Variants in GPC5 observed in about 807,000 individuals in gnomAD.
The protein encoded by GPC5 is glypican 5.
In GPC5, 47 loss-of-function variants were observed where a neutral mutation model predicts 53.9. The observed-to-expected ratio is 0.87, with a 90% CI of 0.69 to 1.11. The LOEUF (loss-of-function observed/expected upper bound fraction) is 1.11. GPC5 is among the 50% of genes most tolerant of loss of function. The pLI is 0.00. For missense variants in GPC5, 748 were observed against 713.1 expected (o/e 1.05, Z -0.56); for synonymous variants, 286 against 263.3 (o/e 1.09, Z -0.84).
At chr13:91,418,707 A>G (rs1286425958) in intron 1 of GPC5, among the ~76,000 whole-genome samples, 3 of 152,148 alleles carry the variant, frequency 2.0e-5, no homozygotes, top group Non-Finnish European at 4.4e-5. Context: ...AAGATCTTTT[A>G]GCAGAAGTGC....
intron 1 of GPC5, 148 bp downstream of exon 1, chr13:91,399,357 T>A: frequency 1.0e-6 from 1 of 983,746 alleles, no homozygotes; most frequent in Non-Finnish European, 1.5e-6. Flanking sequence ...CCGGGGATGC[T>A]TGGTGCGGGT....
At chr13:91,837,703 A>C (rs191904367) in intron 5 of GPC5, among the ~76,000 whole-genome samples, 3 of 152,310 alleles carry the variant, frequency 2.0e-5, no homozygotes, top group Admixed American at 2.0e-4. Context: ...TCATAGTAAT[A>C]ACTTTTTTGA....
intron 7 of GPC5, among the ~76,000 whole-genome samples, chr13:92,551,778 A>G (rs1882326193): frequency 6.6e-6 from 1 of 151,856 alleles, no homozygotes; most frequent in Admixed American, 6.6e-5. Context: ...ACAAACAAAC[A>G]GAAAAAGGAA....
chr13:92,454,059 C>T (rs1487623537), intron 7 of GPC5, among the ~76,000 whole-genome samples: 1 of 152,102 alleles, frequency 6.6e-6, no homozygotes, highest in Non-Finnish European at 1.5e-5. Context: ...AAAGCTCAAA[C>T]CTAAGTGTTA....
chr13:92,203,931 A>C (rs1216763319), intron 7 of GPC5, among the ~76,000 whole-genome samples: 2 of 152,208 alleles, frequency 1.3e-5, no homozygotes, highest in South Asian at 4.1e-4. Context: ...GAAAAAAAAG[A>C]AGCAGTAATA....
At chr13:92,245,512 ATAAT>A (rs1483163552) in intron 7 of GPC5, among the ~76,000 whole-genome samples, 1 of 152,184 alleles carries the variant, frequency 6.6e-6, no homozygotes, top group Non-Finnish European at 1.5e-5. Flanking sequence ...CAGGCACTAA[ATAAT>A]TGTGGTGAAG....
chr13:92,534,916 A>G (rs1311302749), intron 7 of GPC5, among the ~76,000 whole-genome samples: 1 of 152,200 alleles, frequency 6.6e-6, no homozygotes, highest in African/African-American at 2.4e-5. Context: ...AGAAAGCCAT[A>G]TTAGTTTTCA....
Position 92,674,772 on chromosome 13 carries a change from C to T in GPC5, c.1562-191510C>T, listed in dbSNP as rs566472640. ...AAATAAATTAGAACTTAGAAAAGGG[C>T]TTTTTCACAACCTCAAATTATAGAT... On this transcript the variant is annotated intron_variant, in intron 7 of 7. Transcript: ENST00000377067. 2.2e-4 allele frequency among the ~76,000 whole-genome samples: 33 copies of T among 152,182 alleles called. No individual in the cohort carries two copies. In the South Asian group the frequency reaches 6.8e-3, roughly 32 times the overall value.
chr13:92,344,294 A>C (rs1422297532), intron 7 of GPC5, among the ~76,000 whole-genome samples: 1 of 152,094 alleles, frequency 6.6e-6, no homozygotes, highest in Admixed American at 6.6e-5. Context: ...AGAACTCACT[A>C]TCATGAGAAC....
intron 1 of GPC5, among the ~76,000 whole-genome samples, chr13:91,437,992 C>T (rs1200735359): frequency 2.0e-5 from 3 of 152,116 alleles, no homozygotes; most frequent in African/African-American, 4.8e-5. Context: ...ACGTAGTTCT[C>T]GTGCCTTGGT....
At chr13:92,747,609 C>T (rs1296264996) in intron 7 of GPC5, among the ~76,000 whole-genome samples, 1 of 152,126 alleles carries the variant, frequency 6.6e-6, no homozygotes, top group Non-Finnish European at 1.5e-5. Flanking sequence ...CAAATTGCCT[C>T]CACATTAGCT....
At chr13:91,413,970 C>G (rs1209052947) in intron 1 of GPC5, among the ~76,000 whole-genome samples, 1 of 152,164 alleles carries the variant, frequency 6.6e-6, no homozygotes, top group Non-Finnish European at 1.5e-5. Context: ...TCTTTAAGAA[C>G]AAAGAAACAT....
chr13:92,734,631 C>T (rs1034468980), intron 7 of GPC5, among the ~76,000 whole-genome samples: 1 of 151,888 alleles, frequency 6.6e-6, no homozygotes, highest in Non-Finnish European at 1.5e-5. Flanking sequence ...TCCCCATTCT[C>T]ACTCTTAGTC....
intron 7 of GPC5, among the ~76,000 whole-genome samples, chr13:92,752,178 G>A (rs1002624609): frequency 6.6e-6 from 1 of 151,844 alleles, no homozygotes; most frequent in African/African-American, 2.4e-5. Flanking sequence ...TAGCATTTGC[G>A]TCACAGTGTC....
intron 2 of GPC5, among the ~76,000 whole-genome samples, chr13:91,627,004 A>AT (rs1215877558): frequency 0.034 from 167 of 4,876 alleles, 57 homozygotes; most frequent in Non-Finnish European, 0.039. Context: ...TGAACTCATC[A>AT]TTTTTTTTTT....
intron 7 of GPC5, among the ~76,000 whole-genome samples, chr13:92,407,637 A>G (rs561176645): frequency 2.4e-4 from 37 of 152,318 alleles, no homozygotes; most frequent in African/African-American, 8.7e-4. Flanking sequence ...GTAGCTATAC[A>G]TATGGTATTC....
chr13:91,665,031 A>G (rs1034823706), intron 2 of GPC5, among the ~76,000 whole-genome samples: 2 of 152,246 alleles, frequency 1.3e-5, no homozygotes, highest in African/African-American at 4.8e-5. Context: ...TAGATATGAA[A>G]CAAAGAAAGC....
At chr13:91,728,511 T>C (rs1476992323) in intron 3 of GPC5, 21 bp from the exon 4 acceptor site, 1 of 1,602,900 alleles carries the variant, frequency 6.2e-7, no homozygotes, top group Non-Finnish European at 8.5e-7. Context: ...TAACTACCTT[T>C]TAATGTTTTC....
intron 7 of GPC5, among the ~76,000 whole-genome samples, chr13:92,574,271 A>G (rs1883124686): frequency 6.6e-6 from 1 of 152,100 alleles, no homozygotes; most frequent in Non-Finnish European, 1.5e-5. Context: ...TTTTGAAACA[A>G]CTCTGCTAGC....
Sources: gnomAD v4.1 joint callset for allele counts (sites outside exome capture counted in the v4.1 genomes callset) on GRCh38, gnomAD v4.1.1 for gene constraint, MANE v1.5 for transcripts, NCBI Gene and HGNC (gene_info 2026-07-23, HGNC 2026-07-21) for gene names.